The following PTPRM variants were observed in gnomAD, a reference collection of about 807,000 sequenced individuals.
PTPRM encodes protein tyrosine phosphatase receptor type M.
PTPRM carries 47 observed loss-of-function variants against 186.7 expected under a neutral mutation model. The ratio of observed to expected loss-of-function variants is 0.25; its 90% CI spans 0.20 to 0.32. The LOEUF is 0.32. Among genes scored for constraint, PTPRM ranks in the 10% least tolerant of loss-of-function variants. The probability of loss-of-function intolerance (pLI) is 1.00; values close to 1 mark genes in which losing one functional copy is unlikely to be tolerated. For synonymous variants in PTPRM, 668 were observed against 674.9 expected (o/e 0.99, Z 0.16); for missense variants, 1,494 against 1,865.0 (o/e 0.80, Z 3.66).
At chr18:8,244,384 T>C (rs2094458698) in intron 15 of PTPRM, among the ~76,000 whole-genome samples, 175 bp downstream of exon 15, 1 of 152,122 alleles carries the variant, frequency 6.6e-6, no homozygotes, top group African/African-American at 2.4e-5. Flanking sequence ...GCAGAGATGT[T>C]CTAAAGGTGA....
intron 1 of PTPRM, among the ~76,000 whole-genome samples, chr18:7,592,759 G>A (rs1169413103): frequency 6.6e-6 from 1 of 152,324 alleles, no homozygotes; most frequent in Non-Finnish European, 1.5e-5. Flanking sequence ...TGTCAAGAAA[G>A]AGCAACATTC....
At chr18:8,341,634 T>C (rs1338983191) in intron 22 of PTPRM, among the ~76,000 whole-genome samples, 1 of 152,092 alleles carries the variant, frequency 6.6e-6, no homozygotes, top group East Asian at 1.9e-4. Flanking sequence ...ATCAGAACTA[T>C]TTCTGGAAGT....
intron 1 of PTPRM, among the ~76,000 whole-genome samples, chr18:7,709,126 G>A (rs1303242928): frequency 3.3e-5 from 5 of 151,984 alleles, no homozygotes; most frequent in South Asian, 4.1e-4. Flanking sequence ...TCATCAGCAC[G>A]TGGAACATTC....
chr18:8,327,883 T>C (rs1381997925), intron 22 of PTPRM, among the ~76,000 whole-genome samples: 1 of 152,206 alleles, frequency 6.6e-6, no homozygotes, highest in African/African-American at 2.4e-5. Context: ...GTTTTGTCTG[T>C]AGTTATAATT....
chr18:7,953,681 A>C (rs1267704680), intron 6 of PTPRM, among the ~76,000 whole-genome samples: 2 of 152,186 alleles, frequency 1.3e-5, no homozygotes, highest in African/African-American at 2.4e-5. Context: ...CAACTCAACA[A>C]AGGGAACCAA....
chr18:8,194,200 C>G (rs1448805193), intron 14 of PTPRM, among the ~76,000 whole-genome samples: 1 of 152,208 alleles, frequency 6.6e-6, no homozygotes, highest in Non-Finnish European at 1.5e-5. Context: ...ATGCCATCTC[C>G]TCTTCTTATC....
intron 2 of PTPRM, among the ~76,000 whole-genome samples, chr18:7,849,546 G>T (rs551161006): frequency 1.3e-5 from 2 of 152,342 alleles, no homozygotes; most frequent in East Asian, 3.9e-4. Flanking sequence ...GGGGATGCCA[G>T]TACTAACAGT....
chr18:7,719,513 T>C (rs186679272), intron 1 of PTPRM, among the ~76,000 whole-genome samples: 194 of 152,120 alleles, frequency 1.3e-3, no homozygotes, highest in African/African-American at 4.5e-3. Flanking sequence ...AAACACCACC[T>C]GTTCCCAAAA....
chr18:7,746,815 C>A (rs750276936), intron 1 of PTPRM, among the ~76,000 whole-genome samples: 2 of 152,146 alleles, frequency 1.3e-5, no homozygotes, highest in African/African-American at 4.8e-5. Flanking sequence ...TTCCACATTT[C>A]TTTTTACCAG....
chr18:7,943,450 G>A (rs982645055), intron 5 of PTPRM, among the ~76,000 whole-genome samples: 5 of 152,208 alleles, frequency 3.3e-5, no homozygotes, highest in African/African-American at 1.2e-4. Context: ...ATGCACCTCT[G>A]ACAAATCAAG....
intron 24 of PTPRM, among the ~76,000 whole-genome samples, chr18:8,375,343 A>G (rs1200031524): frequency 6.6e-6 from 1 of 152,182 alleles, no homozygotes; most frequent in Non-Finnish European, 1.5e-5. Context: ...CCACTCAAAA[A>G]CATATTTCTG....
At chr18:7,589,348 G>A (rs2037063931) in intron 1 of PTPRM, among the ~76,000 whole-genome samples, 1 of 152,196 alleles carries the variant, frequency 6.6e-6, no homozygotes, top group African/African-American at 2.4e-5. Context: ...AAATGGGAAA[G>A]GAGAATCTAC....
intron 1 of PTPRM, among the ~76,000 whole-genome samples, chr18:7,735,997 C>G (rs1260992973): frequency 6.6e-6 from 1 of 152,104 alleles, no homozygotes; most frequent in South Asian, 2.1e-4. Context: ...GATTGATGCC[C>G]TTTGTCTCCA....
chr18:7,990,230 C>G (rs2147614687), intron 7 of PTPRM, among the ~76,000 whole-genome samples: 1 of 152,172 alleles, frequency 6.6e-6, no homozygotes, highest in East Asian at 1.9e-4. Context: ...TGAACATTTA[C>G]TCTTTCCATC....
intron 14 of PTPRM, among the ~76,000 whole-genome samples, chr18:8,177,846 G>A (rs900132236): frequency 2.0e-5 from 3 of 152,172 alleles, no homozygotes; most frequent in Non-Finnish European, 2.9e-5. Flanking sequence ...CCAGGGTCTT[G>A]TGTCTCTTCT....
At chr18:7,651,238 C>G (rs2038695403) in intron 1 of PTPRM, among the ~76,000 whole-genome samples, 1 of 151,956 alleles carries the variant, frequency 6.6e-6, no homozygotes, top group Non-Finnish European at 1.5e-5. Context: ...GAGAGGAAGC[C>G]CATGTGACCA....
intron 20 of PTPRM, among the ~76,000 whole-genome samples, chr18:8,303,466 T>C (rs1321651320): frequency 6.6e-6 from 1 of 152,182 alleles, no homozygotes; most frequent in Non-Finnish European, 1.5e-5. Context: ...ATTGAGTGAC[T>C]CCAACAGCGT....
Position 8,076,490 on chromosome 18 carries a change from A to G in PTPRM, c.1477A>G (p.Ser493Gly), listed in dbSNP as rs768603391. 1.2e-6 allele frequency: 2 copies of G among 1,610,276 alleles called. No individual in the cohort carries two copies. Among genetic ancestry groups the G allele is most frequent in the Admixed American group, 1.7e-5 (1 of 59,750 alleles). The change falls in exon 9 of 33, where the codon AGT becomes GGT. Residue 493 changes from serine to glycine, a missense_variant. By Grantham distance (56) the Ser-to-Gly change is moderately conservative. Coordinates refer to ENST00000580170, the MANE Select transcript of PTPRM (RefSeq NM_001105244.2). ...GAVPTESIQGSTFEEKIFLQW... is the reference protein window; with the variant it reads ...GAVPTESIQGGTFEEKIFLQW... The stretch of plus-strand genomic sequence containing the variant: ...TGTTCCCACTGAATCCATACAAGGA[A>G]GTACCTTTGAAGAGAAGATATTTCT...
intron 2 of PTPRM, among the ~76,000 whole-genome samples, chr18:7,853,804 G>C (rs1180984721): frequency 1.3e-5 from 2 of 152,138 alleles, no homozygotes; most frequent in Non-Finnish European, 2.9e-5. Flanking sequence ...AAGATAAACA[G>C]CTTCAATCAG....
Sources: gnomAD v4.1 joint callset for allele counts (sites outside exome capture counted in the v4.1 genomes callset) on GRCh38, gnomAD v4.1.1 for gene constraint, MANE v1.5 for transcripts, NCBI Gene and HGNC (gene_info 2026-07-23, HGNC 2026-07-21) for gene names.